Variants in LARGE1 observed in about 807,000 individuals in gnomAD.
LARGE1 encodes the protein xylosyl- and glucuronyltransferase LARGE1.
LARGE1 carries 43 observed loss-of-function variants against 87.6 expected under a neutral mutation model. That is an observed-to-expected ratio of 0.49 (90% confidence interval 0.38 to 0.63). LARGE1 has a LOEUF of 0.63. LARGE1 is among the 30% of genes least tolerant of loss of function. LARGE1 has a pLI of 0.00. For synonymous variants in LARGE1, 434 were observed against 394.6 expected (o/e 1.10, Z -1.18); for missense variants, 802 against 1,000.2 (o/e 0.80, Z 2.67).
chr22:33,305,038 T>C (rs1473845991), intron 11 of LARGE1, among the ~76,000 whole-genome samples: 2 of 152,192 alleles, frequency 1.3e-5, no homozygotes, highest in Admixed American at 6.5e-5. Context: ...CCTTGAGCAC[T>C]AGCTGTCATT....
Position 33,304,243 on chromosome 22 carries a change from G to A in LARGE1, c.1716C>T (p.Leu572=), listed in dbSNP as rs1308909125. The change falls in exon 12 of 15, where the codon CTC becomes CTT. Residue 572 remains leucine (L), a synonymous_variant. Coordinates refer to ENST00000397394, the MANE Select transcript of LARGE1 (RefSeq NM_133642.5). ...CAGGTCCTTACCTGAGGTACTCATA[G>A]AGCCCATACATGGGCAGGAAGTCAA... ...SDIDFLPMYG[L]YEYLRKSVIQ... The A allele has an allele frequency of 3.7e-6, 6 of 1,614,220 alleles. No homozygotes were observed. The highest frequency in any genetic ancestry group is 5.1e-6 in the Non-Finnish European group (6 of 1,180,040).
Position 33,834,422 on chromosome 22 carries a change from T to C in LARGE1, c.-82-72864A>G, listed in dbSNP as rs188976215. On this transcript the variant is annotated intron_variant, in intron 1 of 14. Transcript: ENST00000397394. ...TCCTGCCTTAACTGATGACATTACC[T>C]TGTGAAACTCCTTCTCCTGGCTCAT... Among the ~76,000 whole-genome samples the C allele has an allele frequency of 1.4e-3, 207 of 152,300 alleles. 1 individual carries two copies. Among genetic ancestry groups the C allele is most frequent in the Non-Finnish European group, 1.8e-3 (121 of 68,030 alleles).
chr22:33,862,988 G>A (rs2063977009), intron 1 of LARGE1, among the ~76,000 whole-genome samples: 1 of 152,166 alleles, frequency 6.6e-6, no homozygotes, highest in Admixed American at 6.5e-5. Flanking sequence ...TTTCACGGAT[G>A]AGAAAATTAA....
intron 1 of LARGE1, among the ~76,000 whole-genome samples, chr22:33,779,718 G>A (rs373912306): frequency 6.6e-5 from 10 of 152,182 alleles, no homozygotes; most frequent in African/African-American, 2.2e-4. Context: ...CCCGGGAGGC[G>A]GAGGTTGCAG....
At chr22:33,789,644 A>C (rs1437265831) in intron 1 of LARGE1, among the ~76,000 whole-genome samples, 2 of 152,180 alleles carry the variant, frequency 1.3e-5, no homozygotes, top group African/African-American at 4.8e-5. Flanking sequence ...ATGGGAGCCC[A>C]CCTCTTGCAT....
At chr22:33,707,968 C>T (rs796106790) in intron 2 of LARGE1, among the ~76,000 whole-genome samples, 3 of 152,202 alleles carry the variant, frequency 2.0e-5, no homozygotes, top group African/African-American at 7.2e-5. Flanking sequence ...GACATCTGTG[C>T]ACACACACAG....
At chr22:33,697,549 C>CAAAAAAAAAAA (rs3072289) in intron 2 of LARGE1, among the ~76,000 whole-genome samples, 18 of 54,094 alleles carry the variant, frequency 3.3e-4, no homozygotes, top group African/African-American at 8.4e-4. Context: ...GACTCTGTCC[C>CAAAAAAAAAAA]AAAAAAAAAA....
chr22:33,651,312 AAC>A (rs1466129148), intron 2 of LARGE1, among the ~76,000 whole-genome samples: 1 of 145,630 alleles, frequency 6.9e-6, no homozygotes, highest in Non-Finnish European at 1.5e-5. Flanking sequence ...TAATGGCAAG[AAC>A]CCGGGAGGCG....
chr22:33,417,079 G>C (rs2066526773), intron 7 of LARGE1, among the ~76,000 whole-genome samples: 1 of 151,660 alleles, frequency 6.6e-6, no homozygotes, highest in Non-Finnish European at 1.5e-5. Flanking sequence ...GCTAATTTTT[G>C]TATTTTTACT....
intron 1 of LARGE1, among the ~76,000 whole-genome samples, chr22:33,876,138 C>A (rs2064457609): frequency 6.6e-6 from 1 of 152,178 alleles, no homozygotes; most frequent in Non-Finnish European, 1.5e-5. Context: ...TGAGACCCAG[C>A]AGTTGGGTGG....
At chr22:33,116,124 G>C in the LARGE1 span, 1 of 152,190 alleles carries the variant, frequency 6.6e-6, no homozygotes, top group Non-Finnish European at 1.5e-5. Context: ...GGACATCGAC[G>C]AGGGTGGACC....
At chr22:33,889,312 C>T (rs900207176) in intron 1 of LARGE1, 4 of 152,218 alleles carry the variant, frequency 2.6e-5, no homozygotes, top group African/African-American at 9.6e-5. Flanking sequence ...CCAGGAAGCT[C>T]CCTCCTGGGC....
At chr22:33,542,532 G>C (rs1569253700) in intron 6 of LARGE1, among the ~76,000 whole-genome samples, 1 of 150,800 alleles carries the variant, frequency 6.6e-6, no homozygotes, top group Non-Finnish European at 1.5e-5. Flanking sequence ...AGAGGCCAGA[G>C]ACCTAATTTT....
chr22:33,715,131 A>T (rs2082871614), intron 2 of LARGE1, among the ~76,000 whole-genome samples: 1 of 152,200 alleles, frequency 6.6e-6, no homozygotes, highest in South Asian at 2.1e-4. Flanking sequence ...TTCCTTCAAA[A>T]TCTTCACTTT....
At chr22:33,601,904 T>G (rs1355705152) in intron 5 of LARGE1, among the ~76,000 whole-genome samples, 1 of 152,226 alleles carries the variant, frequency 6.6e-6, no homozygotes. Context: ...AAAGTAGGCC[T>G]GACAGAGTCA....
Position 33,183,284 on chromosome 22 carries a change from C to T in LARGE1, c.1731-16452G>A, listed in dbSNP as rs143487037. Among the ~76,000 whole-genome samples, 23 of 152,052 alleles carry T rather than the reference C, an allele frequency of 1.5e-4. No individual in the cohort carries two copies. The East Asian group carries it at 2.3e-3, about 15-fold the overall frequency. On this transcript the variant is annotated intron_variant, in intron 11 of 11. Transcript: ENST00000608642. ...AAATCAAAACCATAATGAGATAGGA[C>T]TCACACTTCTTAAGATGGCTATTAT...
chr22:33,526,821 A>G (rs1413156283), intron 6 of LARGE1, among the ~76,000 whole-genome samples: 5 of 152,222 alleles, frequency 3.3e-5, no homozygotes, highest in Admixed American at 3.3e-4. Flanking sequence ...CCACCATTTG[A>G]TTAAAAAAAT....
At chr22:33,720,826 A>C (rs1156340746) in intron 2 of LARGE1, among the ~76,000 whole-genome samples, 7 of 152,182 alleles carry the variant, frequency 4.6e-5, no homozygotes, top group African/African-American at 7.2e-5. Context: ...TGGTCTGCTG[A>C]TCTGGTGTCA....
Position 33,363,073 on chromosome 22 carries a change from T to C in LARGE1, c.1131+18846A>G, listed in dbSNP as rs946244741. Among the ~76,000 whole-genome samples, 9 of 150,166 alleles carry C rather than the reference T, an allele frequency of 6.0e-5. 1 individual carries two copies. The highest frequency in any genetic ancestry group is 2.2e-4 in the South Asian group (1 of 4,562). ...ACATTTTCAATCATCTGACCCAGCA[T>C]GGGGCTCCCGCTTTTCCCACAGGGG... is the stretch of plus-strand genomic sequence containing the variant. On this transcript the variant is annotated intron_variant, in intron 9 of 14. Coordinates refer to ENST00000397394, the MANE Select transcript of LARGE1 (RefSeq NM_133642.5).
Sources: allele counts gnomAD v4.1 joint callset (sites outside exome capture counted in the v4.1 genomes callset), GRCh38; gene constraint gnomAD v4.1.1; transcripts MANE v1.5; gene names NCBI Gene and HGNC (gene_info 2026-07-23, HGNC 2026-07-21).